CPO: variants seen among roughly 807,000 people sequenced by gnomAD.
CPO encodes carboxypeptidase O.
Under a neutral mutation model 41.2 loss-of-function variants are expected in CPO, and 43 were observed. That is an observed-to-expected ratio of 1.04 (90% CI 0.82 to 1.35). CPO has a LOEUF of 1.35. Ranked by LOEUF, CPO falls within the 40% of genes most tolerant of loss-of-function variation. The probability of loss-of-function intolerance (pLI) is 0.00; values close to 1 mark genes in which losing one functional copy is unlikely to be tolerated. For missense variants in CPO, 408 were observed against 451.7 expected (o/e 0.90, Z 0.88); for synonymous variants, 178 against 162.7 (o/e 1.09, Z -0.72).
At chr2:206,967,449 C>G (rs1209246087) in intron 7 of CPO, among the ~76,000 whole-genome samples, 1 of 151,402 alleles carries the variant, frequency 6.6e-6, no homozygotes, top group Non-Finnish European at 1.5e-5. Context: ...GAAGAAACAG[C>G]TATGGGGATT....
At chr2:206,945,931 C>T (rs973771442) in intron 1 of CPO, among the ~76,000 whole-genome samples, 26 of 150,272 alleles carry the variant, frequency 1.7e-4, no homozygotes, top group East Asian at 3.9e-4. Flanking sequence ...AGCAAAACTC[C>T]GACTCAAAAT....
intron 4 of CPO, among the ~76,000 whole-genome samples, chr2:206,959,140 A>G (rs1442386848): frequency 1.3e-5 from 2 of 152,210 alleles, no homozygotes; most frequent in Non-Finnish European, 2.9e-5. Context: ...TACCCAGCAC[A>G]GTGAATTTTT....
Position 206,939,526 on chromosome 2 carries a change from G to C in CPO, c.-74G>C, listed in dbSNP as rs1692989882. ...TCTTGATTGTGGGAGCCACAGTCTT[G>C]ATGCATTCATTCTCAAGGACACTTG... On this transcript the variant is annotated 5_prime_UTR_variant, in exon 1 of 9. Coordinates refer to ENST00000272852, the MANE Select transcript of CPO (RefSeq NM_173077.3). The C allele has an allele frequency of 2.6e-6, 3 of 1,163,320 alleles. No homozygotes were observed. The highest frequency in any genetic ancestry group is 1.2e-5 in the South Asian group (1 of 80,226). 72.1% of individuals were successfully genotyped at this position (1,163,320 alleles called of 1,614,324 possible). A position where few individuals can be genotyped will look rare whatever the true frequency, so the allele number is the denominator to read the frequency against.
At chr2:206,964,349 C>T (rs1347550714) in intron 7 of CPO, among the ~76,000 whole-genome samples, 4 of 152,184 alleles carry the variant, frequency 2.6e-5, no homozygotes, top group Non-Finnish European at 5.9e-5. Context: ...CTAACATCTG[C>T]CTAGATCTTT....
intron 6 of CPO, 146 bp from the exon 7 acceptor site, chr2:206,962,266 G>T: frequency 1.0e-5 from 7 of 685,682 alleles, no homozygotes; most frequent in Non-Finnish European, 1.5e-5. Flanking sequence ...TATCCAAGTT[G>T]ACTAATTTAG....
rs761169053 is a variant in CPO, at chr2:206,955,565, G to A, written c.267+1G>A. Reference sequence around the variant, plus strand: ...GACCCACCCCATGTATTATCTGAAGGTGAGTGAGAAGGCTGAGAATTACCT... The same window carrying A: ...GACCCACCCCATGTATTATCTGAAGATGAGTGAGAAGGCTGAGAATTACCT... On this transcript the variant is annotated splice_donor_variant, in intron 3 of 8. Coordinates refer to ENST00000272852, the MANE Select transcript of CPO (RefSeq NM_173077.3). LOFTEE classifies it high-confidence loss of function. 4.0e-5 allele frequency: 59 copies of A among 1,487,508 alleles called. No homozygotes were observed. In the South Asian group the frequency reaches 6.3e-4, roughly 16 times the overall value. 92.1% of individuals were successfully genotyped at this position (1,487,508 alleles called of 1,614,324 possible). A position where few individuals can be genotyped will look rare whatever the true frequency, so the allele number is the denominator to read the frequency against.
chr2:206,963,205 G>A (rs1387157139), intron 7 of CPO, among the ~76,000 whole-genome samples: 1 of 152,222 alleles, frequency 6.6e-6, no homozygotes, highest in African/African-American at 2.4e-5. Context: ...CCCAAGCACT[G>A]TTGGGCAGAA....
Position 206,949,629 on chromosome 2 carries a change from A to G in CPO, c.81A>G (p.Gln27=). Residue 27 remains glutamine (Q), a synonymous_variant, in exon 2 of 9, where the codon CAA becomes CAG. Transcript: ENST00000272852. The part of the protein sequence containing the change: ...GGLGYDRSLA[Q]HRQEIVDKSV... Reference sequence around the variant, plus strand: ...CTTCCCTTTGCAGATCCTTAGCCCAACACAGACAAGAGATTGTGGACAAGT... The same window carrying G: ...CTTCCCTTTGCAGATCCTTAGCCCAGCACAGACAAGAGATTGTGGACAAGT... 1.2e-6 allele frequency: 2 copies of G among 1,613,128 alleles called. No individual in the cohort carries two copies. Among genetic ancestry groups the G allele is most frequent in the Non-Finnish European group, 1.7e-6 (2 of 1,179,226 alleles).
intron 3 of CPO, among the ~76,000 whole-genome samples, chr2:206,956,418 G>T (rs192260026): frequency 0.013 from 1,791 of 141,120 alleles, 18 homozygotes; most frequent in African/African-American, 0.028. Flanking sequence ...ATCATCATCA[G>T]CAGCAGCAGC....
At chr2:206,962,715 T>C (rs2105828310) in intron 7 of CPO, 101 bp downstream of exon 7, 1 of 895,776 alleles carries the variant, frequency 1.1e-6, no homozygotes, top group East Asian at 2.5e-5. Context: ...GCCACCCTTT[T>C]GTTCTCTCTG....
At chr2:206,951,927 A>G (rs1477938302) in intron 2 of CPO, among the ~76,000 whole-genome samples, 6 of 152,228 alleles carry the variant, frequency 3.9e-5, no homozygotes, top group Admixed American at 3.9e-4. Flanking sequence ...TAGTCCCATC[A>G]CAGATATAAA....
At chr2:206,965,388 A>G (rs1321442406) in intron 7 of CPO, among the ~76,000 whole-genome samples, 1 of 152,218 alleles carries the variant, frequency 6.6e-6, no homozygotes, top group African/African-American at 2.4e-5. Flanking sequence ...TACTATTTAC[A>G]AGCCACAGAG....
At chr2:206,952,738 T>A (rs1242612393) in intron 2 of CPO, among the ~76,000 whole-genome samples, 3 of 152,172 alleles carry the variant, frequency 2.0e-5, no homozygotes, top group East Asian at 1.9e-4. Flanking sequence ...TCAGGTCTTC[T>A]CTAATCTTGG....
At chr2:206,968,482 C>T (rs1693626147) in intron 8 of CPO, 135 bp downstream of exon 8, 4 of 648,748 alleles carry the variant, frequency 6.2e-6, no homozygotes, top group African/African-American at 3.6e-5. Context: ...TCAAAATGAC[C>T]AAGGATAAAA....
At chr2:206,967,344 TATATATAGATATATAGATATAG>T (rs1559075248) in intron 7 of CPO, among the ~76,000 whole-genome samples, 1 of 76,780 alleles carries the variant, frequency 1.3e-5, no homozygotes, top group Non-Finnish European at 3.0e-5. Context: ...TATATATATA[TATATATAGATATATAGATATAG>T]ATATAGATAT....
At chr2:206,951,654 G>A (rs1184801651) in intron 2 of CPO, among the ~76,000 whole-genome samples, 1 of 152,196 alleles carries the variant, frequency 6.6e-6, no homozygotes, top group Non-Finnish European at 1.5e-5. Flanking sequence ...GACACTTTAT[G>A]ACCTGGTATC....
chr2:206,951,293 T>A (rs544468466), intron 2 of CPO, among the ~76,000 whole-genome samples: 1 of 152,352 alleles, frequency 6.6e-6, no homozygotes, highest in Admixed American at 6.5e-5. Context: ...ATATTTGTAT[T>A]GCTATTAAGA....
At chr2:206,949,368 T>C (rs1026463540) in intron 1 of CPO, among the ~76,000 whole-genome samples, 1 of 152,236 alleles carries the variant, frequency 6.6e-6, no homozygotes, top group Non-Finnish European at 1.5e-5. Flanking sequence ...TTTATTGAAT[T>C]ATCCTAGCCT....
At chr2:206,957,441 A>C (rs1693390944) in intron 3 of CPO, among the ~76,000 whole-genome samples, 1 of 152,178 alleles carries the variant, frequency 6.6e-6, no homozygotes, top group African/African-American at 2.4e-5. Context: ...CAATTTGAAA[A>C]ATAGATGAGG....
Sources: gnomAD v4.1 joint callset for allele counts (sites outside exome capture counted in the v4.1 genomes callset) on GRCh38, gnomAD v4.1.1 for gene constraint, MANE v1.5 for transcripts, NCBI Gene and HGNC (gene_info 2026-07-23, HGNC 2026-07-21) for gene names.